Variants in ATP13A4 observed in about 807,000 individuals in gnomAD.
ATP13A4 encodes probable cation-transporting ATPase 13A4.
ATP13A4 carries 114 observed loss-of-function variants against 142.5 expected under a neutral mutation model. The ratio of observed to expected loss-of-function variants is 0.80; its 90% confidence interval spans 0.69 to 0.93. ATP13A4 has a LOEUF of 0.93. Among genes scored for constraint, ATP13A4 ranks in the 40% least tolerant of loss-of-function variants. ATP13A4 has a pLI of 0.00. For synonymous variants in ATP13A4, 488 were observed against 514.8 expected (o/e 0.95, Z 0.70); for missense variants, 1,392 against 1,454.0 (o/e 0.96, Z 0.69).
intron 2 of ATP13A4, among the ~76,000 whole-genome samples, chr3:193,571,214 G>C (rs944947631): frequency 6.7e-6 from 1 of 148,164 alleles, no homozygotes; most frequent in Non-Finnish European, 1.5e-5. Context: ...GGAGGTGGAG[G>C]TTGCCAGTGA....
chr3:193,434,791 T>G (rs1227896325), intron 24 of ATP13A4, among the ~76,000 whole-genome samples: 1 of 151,430 alleles, frequency 6.6e-6, no homozygotes, highest in Admixed American at 6.7e-5. Flanking sequence ...TTTCTCTTTT[T>G]ATATCTTGGT....
intron 1 of ATP13A4, 64 bp downstream of exon 1, chr3:193,554,675 TG>T: frequency 6.8e-7 from 1 of 1,479,834 alleles, no homozygotes; most frequent in Non-Finnish European, 9.4e-7. Context: ...TGTGTGTGTG[TG>T]TGTGTGTGTG....
At chr3:193,429,012 T>G (rs1438402890) in intron 25 of ATP13A4, among the ~76,000 whole-genome samples, 1 of 152,016 alleles carries the variant, frequency 6.6e-6, no homozygotes, top group East Asian at 1.9e-4. Context: ...TAAACATTTC[T>G]CCAAAGAAGA....
rs532978733 is a variant in ATP13A4 at position 193,422,557 on chromosome 3, A to G, written c.2843-7807T>C. 2.4e-4 allele frequency among the ~76,000 whole-genome samples: 36 copies of G among 149,974 alleles called. 3 individuals are homozygous for G. Among genetic ancestry groups the G allele is most frequent in the African/African-American group, 8.3e-4 (34 of 40,980 alleles). On this transcript the variant is annotated intron_variant, in intron 25 of 29. Transcript: ENST00000342695. ...TTTCTAACCACAATAATATGAAACTATAAATCAATGACAGGAGGACCTTCA... is the reference window on the plus strand; with the variant it reads ...TTTCTAACCACAATAATATGAAACTGTAAATCAATGACAGGAGGACCTTCA...
intron 6 of ATP13A4, among the ~76,000 whole-genome samples, chr3:193,490,782 G>C (rs977280621): frequency 6.6e-6 from 1 of 152,102 alleles, no homozygotes; most frequent in South Asian, 2.1e-4. Flanking sequence ...GCAAGGAGGA[G>C]TCGAGAGAGA....
chr3:193,498,455 G>A (rs1301386190), intron 3 of ATP13A4, among the ~76,000 whole-genome samples: 2 of 152,114 alleles, frequency 1.3e-5, no homozygotes, highest in African/African-American at 2.4e-5. Context: ...GTTCATATGT[G>A]AATGTGAATT....
At chr3:193,416,477 T>C (rs1046649463) in intron 25 of ATP13A4, among the ~76,000 whole-genome samples, 1 of 152,018 alleles carries the variant, frequency 6.6e-6, no homozygotes, top group Admixed American at 6.6e-5. Context: ...AATGAGAATG[T>C]CAGTAAAAAG....
At chr3:193,443,298 C>T (rs1320449832) in intron 18 of ATP13A4, among the ~76,000 whole-genome samples, 3 of 152,186 alleles carry the variant, frequency 2.0e-5, no homozygotes, top group African/African-American at 7.2e-5. Context: ...CAGCCTAGAG[C>T]TGTGCGTGTG....
At chr3:193,548,721 T>C (rs1356299717) in intron 1 of ATP13A4, among the ~76,000 whole-genome samples, 1 of 152,244 alleles carries the variant, frequency 6.6e-6, no homozygotes. Context: ...AGCCAAGTAA[T>C]TGGTGGAAAA....
chr3:193,448,465 A>T, intron 17 of ATP13A4, 135 bp from the exon 18 acceptor site: 3 of 1,144,778 alleles, frequency 2.6e-6, no homozygotes, highest in Non-Finnish European at 3.8e-6. Flanking sequence ...CTTCCCAAGT[A>T]ACTGGGATTA....
chr3:193,496,551 G>A (rs1370631650), intron 3 of ATP13A4, among the ~76,000 whole-genome samples: 3 of 152,104 alleles, frequency 2.0e-5, no homozygotes, highest in Admixed American at 2.0e-4. Flanking sequence ...AGCACTTTGG[G>A]ACACTGAGAC....
At chr3:193,477,374 A>T (rs1027014356) in intron 8 of ATP13A4, among the ~76,000 whole-genome samples, 2 of 152,098 alleles carry the variant, frequency 1.3e-5, no homozygotes, top group African/African-American at 4.8e-5. Flanking sequence ...ATAATTATTT[A>T]ATCTGTGTGA....
intron 8 of ATP13A4, among the ~76,000 whole-genome samples, chr3:193,474,343 A>AC (rs1317441048): frequency 1.3e-5 from 2 of 148,634 alleles, no homozygotes; most frequent in Admixed American, 6.7e-5. Context: ...AAAAAAAAAA[A>AC]AAAACAAACA....
chr3:193,576,786 C>G, intron 2 of ATP13A4, among the ~76,000 whole-genome samples: 1 of 152,020 alleles, frequency 6.6e-6, no homozygotes. Flanking sequence ...GGAGGCTAAG[C>G]AGAAAAAAAC....
intron 1 of ATP13A4, among the ~76,000 whole-genome samples, chr3:193,582,150 T>A (rs1462049715): frequency 3.2e-5 from 1 of 30,786 alleles, no homozygotes; most frequent in Non-Finnish European, 5.7e-5. Context: ...TTTTCTTTTC[T>A]TTTTTTTTTT....
rs779305988 is a variant in ATP13A4 at position 193,554,724 on chromosome 3, G to A, written c.60+16C>T. 1.2e-6 allele frequency: 2 copies of A among 1,613,272 alleles called. No homozygotes were observed. Among genetic ancestry groups the A allele is most frequent in the Middle Eastern group, 1.7e-4 (1 of 5,890 alleles). ...AGAAGTGGGATGGGAAGAAGGGAAT[G>A]TGGCTAGAATCTTACCATCTCATTC... is the stretch of plus-strand genomic sequence containing the variant. On this transcript the variant is annotated intron_variant, in intron 1 of 29. Coordinates refer to ENST00000342695, the MANE Select transcript of ATP13A4 (RefSeq NM_032279.4).
intron 19 of ATP13A4, 131 bp from the exon 20 acceptor site, chr3:193,441,719 A>G: frequency 9.1e-7 from 1 of 1,102,678 alleles, no homozygotes; most frequent in Non-Finnish European, 1.3e-6. Context: ...TTCCTCAGAG[A>G]AGCATTTTCT....
At chr3:193,438,414 A>G in intron 23 of ATP13A4, 61 bp downstream of exon 23, 2 of 1,365,120 alleles carry the variant, frequency 1.5e-6, no homozygotes, top group Non-Finnish European at 2.1e-6. Flanking sequence ...CAGGCAGAAC[A>G]ATGTGATTTG....
At chr3:193,474,590 AAAGAAAGG>A (rs752002325) in intron 8 of ATP13A4, among the ~76,000 whole-genome samples, 40 of 149,966 alleles carry the variant, frequency 2.7e-4, no homozygotes, top group Admixed American at 6.7e-4. Context: ...AGAAAGAAGG[AAAGAAAGG>A]AAGAAAGGAA....
Sources: gnomAD v4.1 joint callset for allele counts (sites outside exome capture counted in the v4.1 genomes callset) on GRCh38, gnomAD v4.1.1 for gene constraint, MANE v1.5 for transcripts, NCBI Gene and HGNC (gene_info 2026-07-23, HGNC 2026-07-21) for gene names.